USH1C: variants seen among roughly 807,000 people sequenced by gnomAD.
The protein encoded by USH1C is harmonin.
Under a neutral mutation model 119.3 loss-of-function variants are expected in USH1C, and 90 were observed. The observed-to-expected ratio is 0.75, with a 90% confidence interval of 0.64 to 0.90. The LOEUF (loss-of-function observed/expected upper bound fraction) is 0.90. Ranked by LOEUF, USH1C falls within the 40% of genes least tolerant of loss-of-function variation. The pLI is 0.00. For missense variants in USH1C, 1,165 were observed against 1,167.7 expected (o/e 1.00, Z 0.03); for synonymous variants, 465 against 443.3 (o/e 1.05, Z -0.62).
chr11:17,526,718 C>A (rs978339358), intron 7 of USH1C, 35 bp downstream of exon 7: 1 of 1,608,750 alleles, frequency 6.2e-7, no homozygotes, highest in South Asian at 1.1e-5. Flanking sequence ...AAGATGACCC[C>A]ACCCAAACCC....
Position 17,527,316 on chromosome 11 carries a change from C to T in USH1C, c.403G>A (p.Val135Ile), listed in dbSNP as rs145013633. The T allele has an allele frequency of 2.5e-3, 3,986 of 1,612,278 alleles. 8 individuals are homozygous for T. The highest frequency in any genetic ancestry group is 3.2e-3 in the Admixed American group (191 of 60,000). ...SVGLQVGDEI[V>I]RINGYSISSC... ...GAGATGGAATATCCATTGATCCGGA[C>T]GATCTCGTCCCCTACCTTGACCACA... Residue 135 changes from valine to isoleucine, a missense_variant, in exon 5 of 27, where the codon GTC (valine) becomes ATC (isoleucine). By Grantham distance (29) the Val-to-Ile change is conservative (BLOSUM62 3). Transcript: ENST00000005226.
At chr11:17,523,054 G>C in intron 11 of USH1C, 128 bp from the exon 12 acceptor site, 1 of 1,579,724 alleles carries the variant, frequency 6.3e-7, no homozygotes, top group Admixed American at 1.7e-5. Context: ...CGCAATCCCT[G>C]ACCCAAACTT....
Position 17,501,104 on chromosome 11 carries a change from AT to A in USH1C, c.2326del (p.Ile776LeufsTer22). Reference protein sequence around the residue: ...LALEGGVDSPIGKVVVSAVYE... With the variant: ...LALEGGVDSPXGKVVVSAVYE... Reference sequence around the variant, plus strand: ...CACAGCAGAAACGACCACCTTCCCAATGGGGGAGTCCACACCGCCTTCCAGG... The same window carrying A: ...CACAGCAGAAACGACCACCTTCCCAAGGGGGAGTCCACACCGCCTTCCAGG... On this transcript the variant is annotated frameshift_variant, in exon 23 of 27. Transcript: ENST00000005226. LOFTEE classifies it high-confidence loss of function. 1 of 1,613,962 alleles carries A rather than the reference AT, an allele frequency of 6.2e-7. No homozygotes were observed. Among genetic ancestry groups the A allele is most frequent in the Non-Finnish European group, 8.5e-7 (1 of 1,179,972 alleles).
chr11:17,501,855 G>T, intron 21 of USH1C, 84 bp downstream of exon 21: 1 of 1,497,124 alleles, frequency 6.7e-7, no homozygotes, highest in Non-Finnish European at 9.2e-7. Context: ...CCAAGGCCCA[G>T]AATGCACCAC....
chr11:17,509,818 A>T lies in USH1C; in HGVS notation c.1551T>A (p.Pro517=). The T allele has an allele frequency of 6.4e-7, 1 of 1,558,938 alleles. No individual in the cohort carries two copies. Among genetic ancestry groups the T allele is most frequent in the Non-Finnish European group, 8.7e-7 (1 of 1,154,240 alleles). The change falls in exon 18 of 27, where the codon CCT becomes CCA. Residue 517 remains proline, a synonymous_variant. Coordinates refer to ENST00000005226, the MANE Select transcript of USH1C (RefSeq NM_153676.4). The stretch of plus-strand genomic sequence containing the variant: ...CCAGGGGAGACACAGAAGGCGGGGG[A>T]GGCGGGGGCCCTGTGGTCATCTGGG... ...EISEMTTGPP[P]PPPSVSPLAP...
intron 1 of USH1C, among the ~76,000 whole-genome samples, chr11:17,542,614 A>AC (rs1407745393): frequency 2.0e-5 from 3 of 152,212 alleles, no homozygotes; most frequent in Admixed American, 1.3e-4. Context: ...GACACCAGGG[A>AC]CCCTGGAGAT....
chr11:17,537,572 T>G (rs549614143), intron 1 of USH1C, among the ~76,000 whole-genome samples: 1 of 152,334 alleles, frequency 6.6e-6, no homozygotes, highest in South Asian at 2.1e-4. Flanking sequence ...ATTCTGGGTC[T>G]GCCTCCCCTT....
chr11:17,533,372 C>CCT (rs3033420), intron 1 of USH1C, 50 bp from the exon 2 acceptor site: 33 of 1,343,590 alleles, frequency 2.5e-5, no homozygotes, highest in Admixed American at 1.5e-4. Flanking sequence ...CACCCGCCCC[C>CCT]ATAGCAGACC....
In USH1C at chr11:17,519,064, A is replaced by C. The variant is rs544803680; in HGVS notation, c.1210+1806T>G. On this transcript the variant is annotated intron_variant, in intron 14 of 26. Coordinates refer to ENST00000005226, the MANE Select transcript of USH1C (RefSeq NM_153676.4). The stretch of plus-strand genomic sequence containing the variant: ...AGGGCCCACCCCTTGCAGGCATAGA[A>C]GCCTGAGTCAGGTATAACCTATTGC... Among the ~76,000 whole-genome samples the C allele has an allele frequency of 3.3e-5, 5 of 151,082 alleles. No individual in the cohort carries two copies. The East Asian group carries it at 9.7e-4, about 29-fold the overall frequency.
At chr11:17,526,550 T>G (rs1850684374) in intron 7 of USH1C, 109 bp from the exon 8 acceptor site, 2 of 1,160,792 alleles carry the variant, frequency 1.7e-6, no homozygotes, top group Admixed American at 2.0e-5. Flanking sequence ...GCCAGCCAGA[T>G]CATCATTCCG....
chr11:17,538,355 C>A (rs1284632134), intron 1 of USH1C, among the ~76,000 whole-genome samples: 2 of 152,104 alleles, frequency 1.3e-5, no homozygotes, highest in Non-Finnish European at 1.5e-5. Flanking sequence ...CTGGGTTTGG[C>A]CATGTGGTAC....
intron 1 of USH1C, among the ~76,000 whole-genome samples, chr11:17,535,469 C>T (rs1851199379): frequency 6.6e-6 from 1 of 152,240 alleles, no homozygotes; most frequent in East Asian, 1.9e-4. Flanking sequence ...AGATCGACTA[C>T]AATTTGTAAT....
chr11:17,541,597 C>T (rs137890817), intron 1 of USH1C, among the ~76,000 whole-genome samples: 2 of 152,356 alleles, frequency 1.3e-5, no homozygotes, highest in East Asian at 3.9e-4. Context: ...GAGCAGTCTC[C>T]CTTTGAAAGC....
chr11:17,509,400 T>C lies in USH1C; in HGVS notation c.1969A>G (p.Thr657Ala). The C allele has an allele frequency of 6.3e-7, 1 of 1,598,156 alleles. No individual in the cohort carries two copies. Among genetic ancestry groups the C allele is most frequent in the Non-Finnish European group, 8.6e-7 (1 of 1,169,528 alleles). The change falls in exon 18 of 27, where the codon ACT becomes GCT. Residue 657 changes from threonine to alanine, a missense_variant. Thr to Ala is a moderately conservative substitution (Grantham distance 58, BLOSUM62 0). Coordinates refer to ENST00000005226, the MANE Select transcript of USH1C (RefSeq NM_153676.4). ...CTCTGTTCAGGGACAGGGGAGTTAG[T>C]GGGCTTCCCACTGTGGTTCTTTGCC... The part of the protein sequence containing the change: ...WEAKNHSGKP[T>A]NSPVPEQSFP...
chr11:17,533,372 CATAG>C, intron 1 of USH1C, 50 bp from the exon 2 acceptor site: 2 of 1,343,698 alleles, frequency 1.5e-6, no homozygotes, highest in South Asian at 1.2e-5. Context: ...CACCCGCCCC[CATAG>C]CAGACCTCAG....
chr11:17,537,804 G>A (rs1275352470), intron 1 of USH1C, among the ~76,000 whole-genome samples: 2 of 152,142 alleles, frequency 1.3e-5, no homozygotes, highest in Non-Finnish European at 2.9e-5. Flanking sequence ...TCCACTGCCT[G>A]AGGAACTTTA....
chr11:17,501,336 A>G, intron 22 of USH1C, 146 bp downstream of exon 22: 1 of 1,108,442 alleles, frequency 9.0e-7, no homozygotes, highest in Non-Finnish European at 1.3e-6. Flanking sequence ...CCTACAACAG[A>G]GGGGCGTCTC....
At chr11:17,515,587 A>G (rs1850107203) in intron 15 of USH1C, among the ~76,000 whole-genome samples, 1 of 152,150 alleles carries the variant, frequency 6.6e-6, no homozygotes, top group Non-Finnish European at 1.5e-5. Flanking sequence ...CGAATGTCCA[A>G]TTATAGATAT....
At chr11:17,521,096 T>C (rs777337481) in intron 13 of USH1C, 102 bp from the exon 14 acceptor site, 330 of 1,527,022 alleles carry the variant, frequency 2.2e-4, no homozygotes, top group Non-Finnish European at 2.8e-4. Flanking sequence ...AGCCTCATGG[T>C]TCTAGTCATG....
Sources: gnomAD v4.1 joint callset for allele counts (sites outside exome capture counted in the v4.1 genomes callset) on GRCh38, gnomAD v4.1.1 for gene constraint, MANE v1.5 for transcripts, NCBI Gene and HGNC (gene_info 2026-07-23, HGNC 2026-07-21) for gene names.